The following CD200R1 variants were observed in gnomAD, a reference collection of about 807,000 sequenced individuals.
CD200R1 encodes the protein CD200 receptor 1.
Under a neutral mutation model 38.1 loss-of-function variants are expected in CD200R1, and 30 were observed. The ratio of observed to expected loss-of-function variants is 0.79; its 90% CI spans 0.59 to 1.07. CD200R1 has a LOEUF of 1.07. Ranked by LOEUF, CD200R1 falls within the 50% of genes least tolerant of loss-of-function variation. The pLI, the probability that CD200R1 is intolerant of heterozygous loss-of-function variation, is 0.00. For missense variants in CD200R1, 372 were observed against 415.4 expected (o/e 0.90, Z 0.91); for synonymous variants, 128 against 152.1 (o/e 0.84, Z 1.16).
At chr3:112,924,726 G>A (rs1049770481) in intron 6 of CD200R1, among the ~76,000 whole-genome samples, 191 bp from the exon 7 acceptor site, 7 of 151,862 alleles carry the variant, frequency 4.6e-5, no homozygotes, top group South Asian at 2.1e-4. Flanking sequence ...AGAATATTCC[G>A]GATTTTGAAA....
intron 1 of CD200R1, among the ~76,000 whole-genome samples, chr3:112,963,024 G>A (rs1428270258): frequency 6.6e-6 from 1 of 152,182 alleles, no homozygotes; most frequent in Non-Finnish European, 1.5e-5. Context: ...AGTCTCACAA[G>A]ATCTGACGGT....
At position 112,922,985 on chromosome 3, in the gene CD200R1, A is replaced by G. The variant is rs926351084; in HGVS notation, c.*692T>C. ...AAACAAAGAGATATATGCACAAGAA[A>G]CATTCTATGTGGTATTGTTTATACC... On this transcript the variant is annotated 3_prime_UTR_variant, in exon 8 of 8. Coordinates refer to ENST00000308611, the MANE Select transcript of CD200R1 (RefSeq NM_138806.4). The G allele has an allele frequency of 6.6e-6, 1 of 151,938 alleles. No homozygotes were observed. The highest frequency in any genetic ancestry group is 2.4e-5 in the African/African-American group (1 of 41,442). The allele number at this position is 151,938 out of a possible 1,614,324, so 9.4% of individuals were successfully genotyped here. A position where few individuals can be genotyped will look rare whatever the true frequency, so the allele number is the denominator to read the frequency against.
At chr3:112,942,638 A>G (rs997819726) in intron 2 of CD200R1, among the ~76,000 whole-genome samples, 2 of 151,620 alleles carry the variant, frequency 1.3e-5, no homozygotes, top group Non-Finnish European at 3.0e-5. Flanking sequence ...CACTTTGAAC[A>G]TCAATGGTCT....
At chr3:112,931,786 A>C (rs749603597) in intron 2 of CD200R1, among the ~76,000 whole-genome samples, 5 of 152,158 alleles carry the variant, frequency 3.3e-5, no homozygotes, top group Non-Finnish European at 7.4e-5. Flanking sequence ...TAGACAGCTA[A>C]GATTCTACTG....
intron 2 of CD200R1, among the ~76,000 whole-genome samples, chr3:112,942,639 T>C (rs1471185634): frequency 6.6e-6 from 1 of 151,524 alleles, no homozygotes; most frequent in Non-Finnish European, 1.5e-5. Context: ...ACTTTGAACA[T>C]CAATGGTCTG....
intron 1 of CD200R1, among the ~76,000 whole-genome samples, chr3:112,962,386 T>A (rs1249225254): frequency 6.6e-6 from 1 of 152,194 alleles, no homozygotes; most frequent in Non-Finnish European, 1.5e-5. Flanking sequence ...ATACTAATTC[T>A]AGCATTGTTT....
intron 2 of CD200R1, among the ~76,000 whole-genome samples, chr3:112,942,295 A>C (rs1248515174): frequency 6.6e-6 from 1 of 151,714 alleles, no homozygotes; most frequent in Non-Finnish European, 1.5e-5. Flanking sequence ...AGAATGAATA[A>C]AATAATGATA....
At chr3:112,942,894 C>T (rs1940759468) in intron 2 of CD200R1, among the ~76,000 whole-genome samples, 1 of 151,612 alleles carries the variant, frequency 6.6e-6, no homozygotes, top group Non-Finnish European at 1.5e-5. Flanking sequence ...GTTATCATTA[C>T]ATAATAATAT....
At chr3:112,951,814 A>G (rs1940974434) in intron 1 of CD200R1, among the ~76,000 whole-genome samples, 2 of 151,490 alleles carry the variant, frequency 1.3e-5, no homozygotes, top group Admixed American at 1.3e-4. Flanking sequence ...AAAAAAAGGT[A>G]ATAAAAGTTG....
chr3:112,955,424 T>G (rs1941073128), intron 1 of CD200R1, among the ~76,000 whole-genome samples: 1 of 152,154 alleles, frequency 6.6e-6, no homozygotes, highest in Non-Finnish European at 1.5e-5. Context: ...CAATGTTGGG[T>G]ACATATATAT....
chr3:112,966,912 C>T (rs547832502), intron 1 of CD200R1, among the ~76,000 whole-genome samples: 1 of 152,300 alleles, frequency 6.6e-6, no homozygotes, highest in South Asian at 2.1e-4. Context: ...TCGCTGCTCC[C>T]ACGTCTATCT....
chr3:112,974,987 G>A lies in CD200R1; in HGVS notation c.-130C>T. The A allele has an allele frequency of 1.4e-6, 1 of 701,240 alleles. No individual in the cohort carries two copies. Among genetic ancestry groups the A allele is most frequent in the Non-Finnish European group, 2.5e-6 (1 of 395,340 alleles). 43.4% of individuals were successfully genotyped at this position (701,240 alleles called of 1,614,324 possible). ...AGGATCCTCTTACCCCATCAACAGT[G>A]GGGCACTCCCTTCCTTCTAGCCCCT... On this transcript the variant is annotated 5_prime_UTR_variant, in exon 1 of 8. Coordinates refer to ENST00000308611, the MANE Select transcript of CD200R1 (RefSeq NM_138806.4).
rs1940177409 is a variant in CD200R1, at chr3:112,921,859, AG to A, written c.*1817del. The stretch of plus-strand genomic sequence containing the variant: ...CCTGTTTTGACATTATCAAGTTAAG[AG>A]GTAAGCATAGTACTGTCTTACTTTG... On this transcript the variant is annotated 3_prime_UTR_variant, in exon 8 of 8. Coordinates refer to ENST00000308611, the MANE Select transcript of CD200R1 (RefSeq NM_138806.4). 1 of 152,050 alleles carries A rather than the reference AG, an allele frequency of 6.6e-6. No individual in the cohort carries two copies. The highest frequency in any genetic ancestry group is 1.5e-5 in the Non-Finnish European group (1 of 67,978). 9.4% of individuals were successfully genotyped at this position (152,050 alleles called of 1,614,324 possible).
intron 1 of CD200R1, among the ~76,000 whole-genome samples, chr3:112,963,106 T>C (rs751410957): frequency 6.6e-6 from 1 of 152,238 alleles, no homozygotes; most frequent in Non-Finnish European, 1.5e-5. Flanking sequence ...CCTTTCACCT[T>C]CCACCATTAT....
intron 2 of CD200R1, among the ~76,000 whole-genome samples, chr3:112,946,054 G>GAAAA (rs1553768550): frequency 9.1e-6 from 1 of 110,218 alleles, no homozygotes; most frequent in Non-Finnish European, 2.0e-5. Context: ...AAAAAAAAAG[G>GAAAA]AGAACGAAAA....
At chr3:112,928,213 T>A (rs998572438) in intron 5 of CD200R1, among the ~76,000 whole-genome samples, 1 of 152,116 alleles carries the variant, frequency 6.6e-6, no homozygotes. Context: ...GAGATGGCAA[T>A]TGGGTTGGAA....
At chr3:112,954,254 C>A (rs1263245629) in intron 1 of CD200R1, among the ~76,000 whole-genome samples, 1 of 152,028 alleles carries the variant, frequency 6.6e-6, no homozygotes, top group Non-Finnish European at 1.5e-5. Context: ...TGATTTCAGG[C>A]TTTATATCCA....
intron 1 of CD200R1, among the ~76,000 whole-genome samples, chr3:112,959,289 G>T (rs1321160867): frequency 6.6e-6 from 1 of 152,104 alleles, no homozygotes; most frequent in Admixed American, 6.5e-5. Context: ...TCAGTTGCAG[G>T]TCTTCCGGAG....
chr3:112,952,832 A>G (rs924572584), intron 1 of CD200R1, among the ~76,000 whole-genome samples: 3 of 152,132 alleles, frequency 2.0e-5, no homozygotes, highest in Non-Finnish European at 4.4e-5. Context: ...GGAGTCTTTG[A>G]GTTTCCCATA....
Sources: allele counts gnomAD v4.1 joint callset (sites outside exome capture counted in the v4.1 genomes callset), GRCh38; gene constraint gnomAD v4.1.1; transcripts MANE v1.5; gene names NCBI Gene and HGNC (gene_info 2026-07-23, HGNC 2026-07-21).